Variants in SPOCK3 observed in about 807,000 individuals in gnomAD.
The protein encoded by SPOCK3 is SPARC (osteonectin), cwcv and kazal like domains proteoglycan 3.
Under a neutral mutation model 56.6 loss-of-function variants are expected in SPOCK3, and 30 were observed. The ratio of observed to expected loss-of-function variants is 0.53; its 90% CI spans 0.40 to 0.72. The LOEUF (loss-of-function observed/expected upper bound fraction) is 0.72. SPOCK3 is among the 30% of genes least tolerant of loss of function. The pLI is 0.00. For synonymous variants in SPOCK3, 196 were observed against 183.3 expected, an observed-to-expected ratio of 1.07 and a Z score of -0.56; for missense variants, 527 against 530.0, an observed-to-expected ratio of 0.99 and a Z score of 0.06.
At chr4:166,934,061 T>C (rs1489580082) in intron 4 of SPOCK3, among the ~76,000 whole-genome samples, 1 of 152,130 alleles carries the variant, frequency 6.6e-6, no homozygotes, top group African/African-American at 2.4e-5. Context: ...TCTCAAACTC[T>C]TCATAATTCT....
intron 3 of SPOCK3, among the ~76,000 whole-genome samples, chr4:167,006,778 C>T (rs987948694): frequency 2.6e-5 from 4 of 151,758 alleles, no homozygotes; most frequent in African/African-American, 7.3e-5. Context: ...ATTTTAATTC[C>T]GCCTCTTTTC....
chr4:167,123,560 A>G (rs567544840), intron 2 of SPOCK3, among the ~76,000 whole-genome samples: 49 of 152,036 alleles, frequency 3.2e-4, no homozygotes, highest in Non-Finnish European at 5.7e-4. Context: ...ATCTGTCTGT[A>G]CCAAGATGTT....
Position 166,848,746 on chromosome 4 carries a change from C to T in SPOCK3, c.589+40384G>A, listed in dbSNP as rs188496942. Among the ~76,000 whole-genome samples the T allele has an allele frequency of 1.5e-3, 232 of 152,220 alleles. 1 individual carries two copies. The highest frequency in any genetic ancestry group is 5.1e-3 in the African/African-American group (212 of 41,536). On this transcript the variant is annotated intron_variant, in intron 6 of 10. Coordinates refer to ENST00000357545, the MANE Select transcript of SPOCK3 (RefSeq NM_001040159.2). ...GATAAGATTCTGGGAGCCAACAAGC[C>T]GGCCAGTGTTTGAGGAGGGCATGTG...
intron 3 of SPOCK3, among the ~76,000 whole-genome samples, chr4:167,003,424 A>C (rs1749145557): frequency 6.6e-6 from 1 of 152,230 alleles, no homozygotes; most frequent in Admixed American, 6.5e-5. Context: ...GCAGCTTAAA[A>C]AATACAAAAC....
chr4:166,982,011 G>A (rs1746633540), intron 4 of SPOCK3, among the ~76,000 whole-genome samples: 2 of 152,220 alleles, frequency 1.3e-5, no homozygotes, highest in African/African-American at 4.8e-5. Flanking sequence ...TGGGAACAGG[G>A]GGGATCCTGG....
chr4:167,082,785 G>A (rs573752066), intron 2 of SPOCK3, among the ~76,000 whole-genome samples: 2 of 138,652 alleles, frequency 1.4e-5, no homozygotes, highest in South Asian at 5.1e-4. Flanking sequence ...GGAGGGAAGG[G>A]AAGGAAGGGG....
rs1447944179 is a variant in SPOCK3, at chr4:167,205,340, A to ATATT, written c.189+28644_189+28645insAATA. Among the ~76,000 whole-genome samples, 182 of 40,366 alleles carry ATATT rather than the reference A, an allele frequency of 4.5e-3. 2 individuals are homozygous for ATATT. Among genetic ancestry groups the ATATT allele is most frequent in the African/African-American group, 5.7e-3 (52 of 9,120 alleles). 26.5% of individuals were successfully genotyped at this position (40,366 alleles called of 152,430 possible). A position where few individuals can be genotyped will look rare whatever the true frequency, so the allele number is the denominator to read the frequency against. Reference sequence around the variant, plus strand: ...TTTATATATATAATATATATTATATATTATATATATAATATATATATTATA... The same window carrying ATATT: ...TTTATATATATAATATATATTATATATATTTTATATATATAATATATATATTATA... On this transcript the variant is annotated intron_variant, in intron 2 of 10. Transcript: ENST00000357545.
intron 7 of SPOCK3, among the ~76,000 whole-genome samples, chr4:166,777,192 A>G (rs1436958626): frequency 6.6e-6 from 1 of 152,224 alleles, no homozygotes; most frequent in East Asian, 1.9e-4. Context: ...TTTTAAATGC[A>G]TATATTGATC....
chr4:166,959,004 A>G (rs1342086939), intron 4 of SPOCK3, among the ~76,000 whole-genome samples: 1 of 152,196 alleles, frequency 6.6e-6, no homozygotes, highest in African/African-American at 2.4e-5. Flanking sequence ...TTTATATTCA[A>G]TGAAAACTAG....
intron 2 of SPOCK3, among the ~76,000 whole-genome samples, chr4:167,144,572 G>C (rs1246912284): frequency 6.6e-6 from 1 of 151,912 alleles, no homozygotes; most frequent in Non-Finnish European, 1.5e-5. Flanking sequence ...AAGAATATTA[G>C]TGAAGAGCAT....
At chr4:167,109,442 A>G (rs1424121075) in intron 2 of SPOCK3, among the ~76,000 whole-genome samples, 22 of 105,188 alleles carry the variant, frequency 2.1e-4, no homozygotes, top group Non-Finnish European at 5.3e-5. Flanking sequence ...ATAAATATAT[A>G]TTTATATTTA....
rs117186027 is a variant in SPOCK3, at chr4:167,027,836, G to C, written c.236-27373C>G. Among the ~76,000 whole-genome samples the C allele has an allele frequency of 4.3e-3, 655 of 152,106 alleles. 19 individuals carry two copies. Among genetic ancestry groups the C allele is most frequent in the Admixed American group, 0.033 (497 of 15,258 alleles). On this transcript the variant is annotated intron_variant, in intron 3 of 10. Coordinates refer to ENST00000357545, the MANE Select transcript of SPOCK3 (RefSeq NM_001040159.2). ...GGAGGAGGAGGAAGGGGGTCTTGCT[G>C]TCTCAGGGGTGTCAGAGGTGGCAGA...
At chr4:167,182,642 C>T (rs915734824) in intron 2 of SPOCK3, among the ~76,000 whole-genome samples, 5 of 151,680 alleles carry the variant, frequency 3.3e-5, no homozygotes, top group South Asian at 2.1e-4. Flanking sequence ...TGGGTTCAAG[C>T]GATTCTCCTG....
At chr4:166,975,601 TTCTA>T in intron 4 of SPOCK3, among the ~76,000 whole-genome samples, 1 of 152,188 alleles carries the variant, frequency 6.6e-6, no homozygotes, top group Non-Finnish European at 1.5e-5. Context: ...ATTTTATATA[TTCTA>T]TCTAACTGTA....
chr4:166,784,590 G>GA (rs1740539058), intron 7 of SPOCK3, among the ~76,000 whole-genome samples: 1 of 151,980 alleles, frequency 6.6e-6, no homozygotes, highest in African/African-American at 2.4e-5. Flanking sequence ...CAAATATTTT[G>GA]TTTCCAAAAG....
At chr4:166,743,704 C>A (rs1306816049) in intron 8 of SPOCK3, among the ~76,000 whole-genome samples, 3 of 152,306 alleles carry the variant, frequency 2.0e-5, no homozygotes, top group South Asian at 2.1e-4. Context: ...CCTTTCCCAG[C>A]CAAGGGAAGC....
At chr4:166,770,229 C>T (rs1738745745) in intron 7 of SPOCK3, among the ~76,000 whole-genome samples, 1 of 152,122 alleles carries the variant, frequency 6.6e-6, no homozygotes, top group South Asian at 2.1e-4. Flanking sequence ...GTGAGATGAA[C>T]CGGGTACCTC....
At chr4:166,743,064 G>A (rs1356833843) in intron 8 of SPOCK3, among the ~76,000 whole-genome samples, 2 of 151,976 alleles carry the variant, frequency 1.3e-5, no homozygotes, top group Non-Finnish European at 2.9e-5. Context: ...TCCTGAGATC[G>A]ATCCCCCTCG....
At chr4:167,179,956 T>A (rs1731304739) in intron 2 of SPOCK3, among the ~76,000 whole-genome samples, 1 of 152,034 alleles carries the variant, frequency 6.6e-6, no homozygotes, top group Non-Finnish European at 1.5e-5. Flanking sequence ...TAGTACAGGA[T>A]GGACAGAGGA....
Sources: allele counts gnomAD v4.1 joint callset (sites outside exome capture counted in the v4.1 genomes callset), GRCh38; gene constraint gnomAD v4.1.1; transcripts MANE v1.5; gene names NCBI Gene and HGNC (gene_info 2026-07-23, HGNC 2026-07-21).